The following CCDC102B variants were observed in gnomAD, a reference collection of about 807,000 sequenced individuals.
CCDC102B encodes the protein coiled-coil domain-containing protein 102B.
In CCDC102B, 75 loss-of-function variants were observed where a neutral mutation model predicts 57.4. That is an observed-to-expected ratio of 1.31 (90% confidence interval 1.08 to 1.58). The LOEUF (loss-of-function observed/expected upper bound fraction) is 1.58, where lower values mean the gene tolerates loss of function less well. Ranked by LOEUF, CCDC102B falls within the 40% of genes most tolerant of loss-of-function variation. CCDC102B has a pLI of 0.00. For synonymous variants in CCDC102B, 206 were observed against 201.9 expected (o/e 1.02, Z -0.17); for missense variants, 636 against 582.6 (o/e 1.09, Z -0.94).
intron 4 of CCDC102B, among the ~76,000 whole-genome samples, chr18:68,852,610 AT>A (rs960518403): frequency 5.9e-5 from 9 of 151,654 alleles, no homozygotes; most frequent in South Asian, 2.1e-4. Flanking sequence ...AACTCATAGA[AT>A]TTTTTTTTCT....
intron 1 of CCDC102B, among the ~76,000 whole-genome samples, chr18:68,822,457 T>C (rs1010032238): frequency 6.6e-6 from 1 of 152,098 alleles, no homozygotes; most frequent in Non-Finnish European, 1.5e-5. Flanking sequence ...CATGTCAATT[T>C]GGTGTTTTAA....
At chr18:68,719,407 G>C (rs151113058) in intron 2 of CCDC102B, among the ~76,000 whole-genome samples, 18 of 152,262 alleles carry the variant, frequency 1.2e-4, no homozygotes, top group Non-Finnish European at 1.9e-4. Context: ...ATAATGAGGG[G>C]TCCAAAGGCC....
At chr18:68,949,966 A>G (rs2049648813) in intron 6 of CCDC102B, among the ~76,000 whole-genome samples, 1 of 152,154 alleles carries the variant, frequency 6.6e-6, no homozygotes, top group Non-Finnish European at 1.5e-5. Context: ...TCTAAGAGAT[A>G]TCACCAACCA....
At chr18:69,038,632 C>T (rs1002832185) in intron 7 of CCDC102B, among the ~76,000 whole-genome samples, 3 of 151,942 alleles carry the variant, frequency 2.0e-5, no homozygotes, top group Non-Finnish European at 4.4e-5. Flanking sequence ...ACTTTTTACA[C>T]TATTTCCTTC....
At chr18:68,938,167 G>T (rs2049293874) in intron 6 of CCDC102B, among the ~76,000 whole-genome samples, 1 of 151,824 alleles carries the variant, frequency 6.6e-6, no homozygotes, top group East Asian at 1.9e-4. Flanking sequence ...CTTAACTTTT[G>T]GATTGTTAAC....
intron 7 of CCDC102B, among the ~76,000 whole-genome samples, chr18:69,053,323 CATAT>C (rs10538584): frequency 2.7e-5 from 4 of 148,480 alleles, no homozygotes; most frequent in African/African-American, 7.4e-5. Flanking sequence ...ATATATTTCA[CATAT>C]ATATATATAT....
At chr18:68,973,771 A>C (rs2050361706) in intron 6 of CCDC102B, among the ~76,000 whole-genome samples, 1 of 152,136 alleles carries the variant, frequency 6.6e-6, no homozygotes, top group African/African-American at 2.4e-5. Context: ...TTGTACAAAC[A>C]GTGTAATTTT....
rs78837828 is a variant in CCDC102B, at chr18:68,782,444, G to A, written c.-66-40922G>A. 5.0e-3 allele frequency among the ~76,000 whole-genome samples: 763 copies of A among 152,172 alleles called. 3 individuals carry two copies. The highest frequency in any genetic ancestry group is 0.017 in the African/African-American group (699 of 41,522). ...GGTTTTTGAAGTCAATACAAGCTAT[G>A]TCTGTGTATAGGAAAGTATGCCATG... On this transcript the variant is annotated intron_variant, in intron 2 of 3. Transcript: ENST00000578970.
chr18:68,830,278 T>G (rs546880025), intron 1 of CCDC102B, among the ~76,000 whole-genome samples: 22 of 152,122 alleles, frequency 1.4e-4, no homozygotes, highest in Admixed American at 7.9e-4. Context: ...GCAGTGTTAT[T>G]TCCCATAAAA....
chr18:68,953,797 G>A (rs978508883), intron 6 of CCDC102B, among the ~76,000 whole-genome samples: 3 of 152,122 alleles, frequency 2.0e-5, no homozygotes, highest in Admixed American at 6.5e-5. Flanking sequence ...CATGGTGCAA[G>A]CACACAGGTG....
At chr18:68,740,666 G>A (rs1030534099) in intron 2 of CCDC102B, among the ~76,000 whole-genome samples, 1 of 152,146 alleles carries the variant, frequency 6.6e-6, no homozygotes, top group Non-Finnish European at 1.5e-5. Context: ...GGAGTAGATC[G>A]CATGAGTAAC....
intron 2 of CCDC102B, among the ~76,000 whole-genome samples, chr18:68,792,575 C>T (rs2035496734): frequency 6.6e-6 from 1 of 152,178 alleles, no homozygotes; most frequent in African/African-American, 2.4e-5. Flanking sequence ...CCCTTTAATT[C>T]ATTCAGGTGT....
intron 5 of CCDC102B, among the ~76,000 whole-genome samples, chr18:68,893,987 G>T (rs1321774480): frequency 6.6e-6 from 1 of 151,906 alleles, no homozygotes; most frequent in African/African-American, 2.4e-5. Flanking sequence ...TACACTCTGG[G>T]TCTGGCTGTG....
chr18:68,878,448 T>C (rs1568306684), intron 5 of CCDC102B, among the ~76,000 whole-genome samples: 2 of 152,140 alleles, frequency 1.3e-5, no homozygotes, highest in Non-Finnish European at 2.9e-5. Context: ...ACTAGTATGG[T>C]CTGAATGTGT....
At chr18:68,902,759 G>A (rs2040499014) in intron 6 of CCDC102B, among the ~76,000 whole-genome samples, 1 of 152,130 alleles carries the variant, frequency 6.6e-6, no homozygotes, top group Non-Finnish European at 1.5e-5. Flanking sequence ...TATTAACTAG[G>A]ATTTTGCTTC....
intron 7 of CCDC102B, among the ~76,000 whole-genome samples, chr18:69,039,145 C>G (rs1401038071): frequency 3.3e-5 from 5 of 151,888 alleles, no homozygotes; most frequent in Admixed American, 2.6e-4. Context: ...TCTAGAATAT[C>G]TAACTGAAGA....
In CCDC102B at chr18:69,054,211, TA is replaced by T. The variant is rs10708436; in HGVS notation, c.*78del. On this transcript the variant is annotated 3_prime_UTR_variant, in exon 8 of 8. Coordinates refer to ENST00000360242, the MANE Select transcript of CCDC102B (RefSeq NM_024781.3). ...TCCATATCCTTTTCTTAAATATCAG[TA>T]AAATTGTTTTTATTAACTAGAAATA... The T allele has an allele frequency of 2.3e-3, 3,356 of 1,439,416 alleles. 80 individuals carry two copies. The African/African-American group carries it at 0.043, about 19-fold the overall frequency. The allele number at this position is 1,439,416 out of a possible 1,614,324, so 89.2% of individuals were successfully genotyped here. A position where few individuals can be genotyped will look rare whatever the true frequency, so the allele number is the denominator to read the frequency against.
At chr18:68,733,562 AAAG>A (rs1271686743) in intron 2 of CCDC102B, among the ~76,000 whole-genome samples, 17 of 149,168 alleles carry the variant, frequency 1.1e-4, no homozygotes, top group African/African-American at 3.9e-4. Flanking sequence ...ATTTCTTTGA[AAAG>A]AACACTGAAA....
intron 2 of CCDC102B, among the ~76,000 whole-genome samples, chr18:68,787,901 G>C (rs1001077409): frequency 6.6e-6 from 1 of 150,994 alleles, no homozygotes; most frequent in African/African-American, 2.4e-5. Flanking sequence ...TGCTTTTCTA[G>C]TTCTTTTAAT....
Sources: allele counts gnomAD v4.1 joint callset (sites outside exome capture counted in the v4.1 genomes callset), GRCh38; gene constraint gnomAD v4.1.1; transcripts MANE v1.5; gene names NCBI Gene and HGNC (gene_info 2026-07-23, HGNC 2026-07-21).